The following KLC2 variants were observed in gnomAD, a reference collection of about 807,000 sequenced individuals.
KLC2 encodes KLC 2.
A neutral mutation model predicts 75.1 loss-of-function variants in KLC2; 35 were observed. That is an observed-to-expected ratio of 0.47 (90% confidence interval 0.36 to 0.62). The LOEUF (loss-of-function observed/expected upper bound fraction) is 0.62, where lower values mean the gene tolerates loss of function less well. Ranked by LOEUF, KLC2 falls within the 20% of genes least tolerant of loss-of-function variation. KLC2 has a pLI of 0.00. For missense variants in KLC2, 611 were observed against 833.2 expected, an observed-to-expected ratio of 0.73 and a Z score of 3.28; for synonymous variants, 314 against 336.7, an observed-to-expected ratio of 0.93 and a Z score of 0.74.
the KLC2 span, among the ~76,000 whole-genome samples, chr11:66,245,709 C>T: frequency 1.9e-4 from 28 of 149,724 alleles, no homozygotes; most frequent in African/African-American, 6.6e-4. Context: ...AGCGAGACTC[C>T]GTCTCAAAAA....
In KLC2 at chr11:66,265,083, G is replaced by A. The variant is rs775915946; in HGVS notation, c.1266+11G>A. On this transcript the variant is annotated intron_variant, in intron 10 of 15. Coordinates refer to ENST00000394067, the MANE Select transcript of KLC2 (RefSeq NM_001318734.2). ...CGGGAGGAAAGCAAGGTAGCTCTGTGGGGCAGGCTGGGCGGTTGTCAGGGG... is the reference window on the plus strand; with the variant it reads ...CGGGAGGAAAGCAAGGTAGCTCTGTAGGGCAGGCTGGGCGGTTGTCAGGGG... 5 of 1,610,184 alleles carry A rather than the reference G, an allele frequency of 3.1e-6. No homozygotes were observed. The African/African-American group carries it at 6.7e-5, about 22-fold the overall frequency.
chr11:66,265,726 A>G lies in KLC2; in HGVS notation c.1406A>G (p.His469Arg). 1 of 1,613,814 alleles carries G rather than the reference A, an allele frequency of 6.2e-7. No homozygotes were observed. The highest frequency in any genetic ancestry group is 8.5e-7 in the Non-Finnish European group (1 of 1,179,946). Reference sequence around the variant, plus strand: ...CGCCAGGGCAAGCTGGAAGCCGCGCACACACTAGAGGACTGTGCCAGCCGT... The same window carrying G: ...CGCCAGGGCAAGCTGGAAGCCGCGCGCACACTAGAGGACTGTGCCAGCCGT... The part of the protein sequence containing the change: ...YRRQGKLEAA[H>R]TLEDCASRNR... The change falls in exon 12 of 16, where the codon CAC becomes CGC. Residue 469 changes from histidine to arginine, a missense_variant. Coordinates refer to ENST00000394067, the MANE Select transcript of KLC2 (RefSeq NM_001318734.2).
chr11:66,263,022 G>A lies in KLC2; in HGVS notation c.738G>A (p.Leu246=). 6.2e-7 allele frequency: 1 copy of A among 1,613,692 alleles called. No individual in the cohort carries two copies. Among genetic ancestry groups the A allele is most frequent in the African/African-American group, 1.3e-5 (1 of 75,022 alleles). The part of the protein sequence containing the change: ...HPDVATMLNI[L]ALVYRDQNKY... ...ACGTTGCCACCATGCTGAACATCCT[G>A]GCACTGGTCTATCGGTGAGGACTCT... The change falls in exon 5 of 16, where the codon CTG becomes CTA. Residue 246 remains leucine (L), a synonymous_variant. Transcript: ENST00000394067.
chr11:66,260,385 A>G (rs1310699234), intron 2 of KLC2, among the ~76,000 whole-genome samples: 1 of 152,176 alleles, frequency 6.6e-6, no homozygotes, highest in Non-Finnish European at 1.5e-5. Context: ...CACGGAGGGC[A>G]TGGGCATCAA....
rs752647313 is a variant in KLC2 at position 66,263,050 on chromosome 11, G to A, written c.752+14G>A. The A allele has an allele frequency of 3.1e-6, 5 of 1,593,034 alleles. No homozygotes were observed. The highest frequency in any genetic ancestry group is 2.2e-5 in the East Asian group (1 of 44,540). ...ACTGGTCTATCGGTGAGGACTCTCTGGGGGTGCCCAAATTCTTCTGGAAGG... is the reference window on the plus strand; with the variant it reads ...ACTGGTCTATCGGTGAGGACTCTCTAGGGGTGCCCAAATTCTTCTGGAAGG... On this transcript the variant is annotated intron_variant, in intron 5 of 15. Transcript: ENST00000394067.
intron 11 of KLC2, 140 bp downstream of exon 11, chr11:66,265,375 C>G (rs1856750721): frequency 5.2e-6 from 4 of 766,682 alleles, no homozygotes; most frequent in East Asian, 2.7e-5. Context: ...CAAGAAGGCT[C>G]TGTCTCCCAA....
At chr11:66,266,796 G>A (rs1856862225) in intron 15 of KLC2, 77 bp from the exon 16 acceptor site, 1 of 1,486,646 alleles carries the variant, frequency 6.7e-7, no homozygotes, top group Non-Finnish European at 9.4e-7. Context: ...GCCTCTGCCA[G>A]GTCAGACCCC....
upstream of KLC2, among the ~76,000 whole-genome samples, chr11:66,253,738 T>C (rs1855981674): frequency 6.6e-6 from 1 of 152,136 alleles, no homozygotes; most frequent in South Asian, 2.1e-4. Context: ...GCCGAACACA[T>C]GCGAGGCTAA....
At chr11:66,266,357 A>AGCCCCACCCTTCTCCCT in intron 14 of KLC2, 76 bp from the exon 15 acceptor site, 1 of 1,016,994 alleles carries the variant, frequency 9.8e-7, no homozygotes, top group East Asian at 2.5e-5. Flanking sequence ...TTCCCTCCCC[A>AGCCCCACCCTTCTCCCT]GCCCCACCCT....
chr11:66,258,961 C>A, intron 2 of KLC2, 139 bp downstream of exon 2: 1 of 638,088 alleles, frequency 1.6e-6, no homozygotes, highest in East Asian at 2.8e-5. Flanking sequence ...CAGTAAATAC[C>A]TTTTGAAGAA....
intron 4 of KLC2, 47 bp downstream of exon 4, chr11:66,262,239 C>G (rs774177765): frequency 1.0e-5 from 15 of 1,506,928 alleles, no homozygotes; most frequent in Non-Finnish European, 1.0e-5. Flanking sequence ...GTTGTGTGAA[C>G]TCTTGGTCCT....
chr11:66,259,383 G>T (rs1211689942), intron 2 of KLC2, among the ~76,000 whole-genome samples: 2 of 152,232 alleles, frequency 1.3e-5, no homozygotes, highest in Non-Finnish European at 2.9e-5. Context: ...ACTGAAACCT[G>T]AGGGAAGAAA....
chr11:66,264,468 C>T (rs377678567), intron 9 of KLC2, 24 bp downstream of exon 9: 44 of 1,537,118 alleles, frequency 2.9e-5, no homozygotes, highest in Non-Finnish European at 3.9e-5. Context: ...CACCAGGTGC[C>T]TCTAGCCCAT....
chr11:66,261,442 A>C, intron 2 of KLC2: 1 of 337,462 alleles, frequency 3.0e-6, no homozygotes, highest in Non-Finnish European at 5.5e-6. Context: ...GGGAGAGACG[A>C]AGGAAGGGGC....
chr11:66,256,671 T>TA (rs952127292), upstream of KLC2, among the ~76,000 whole-genome samples: 5 of 152,018 alleles, frequency 3.3e-5, no homozygotes, highest in East Asian at 1.9e-4. Flanking sequence ...ACCTGTCACT[T>TA]AAAAAAAACC....
chr11:66,267,043 C>T lies in KLC2; in HGVS notation c.*87C>T. 1.3e-6 allele frequency: 2 copies of T among 1,584,758 alleles called. No homozygotes were observed. The highest frequency in any genetic ancestry group is 2.3e-5 in the South Asian group (2 of 88,708). On this transcript the variant is annotated 3_prime_UTR_variant, in exon 16 of 16. Transcript: ENST00000394067. ...GCGCATGGGCCTGCTGCTTGTCCCGCCTGTCTCTCCCACAGCCCCTGTCTT... is the reference window on the plus strand; with the variant it reads ...GCGCATGGGCCTGCTGCTTGTCCCGTCTGTCTCTCCCACAGCCCCTGTCTT...
At chr11:66,248,047 G>A in the KLC2 span, among the ~76,000 whole-genome samples, 1 of 152,170 alleles carries the variant, frequency 6.6e-6, no homozygotes. Flanking sequence ...CAGGAGTTAA[G>A]GCTGGACCAG....
chr11:66,267,662 G>T lies in KLC2; in HGVS notation c.*706G>T, dbSNP rs1230685034. On this transcript the variant is annotated 3_prime_UTR_variant, in exon 16 of 16. Transcript: ENST00000394067. ...CCTTATGCACTGCCCCTCCCACCCG[G>T]CCCCGCCCAGGCACGGCCGACCCCG... The T allele has an allele frequency of 1.9e-6, 1 of 521,912 alleles. No individual in the cohort carries two copies. The highest frequency in any genetic ancestry group is 2.0e-5 in the African/African-American group (1 of 50,316). 32.3% of individuals were successfully genotyped at this position (521,912 alleles called of 1,614,324 possible). A position where few individuals can be genotyped will look rare whatever the true frequency, so the allele number is the denominator to read the frequency against.
chr11:66,253,564 C>G (rs911194662), upstream of KLC2, among the ~76,000 whole-genome samples: 5 of 152,226 alleles, frequency 3.3e-5, no homozygotes, highest in Non-Finnish European at 7.3e-5. Context: ...GCATGGATTT[C>G]TTCCTTTATT....
Sources: gnomAD v4.1 joint callset for allele counts (sites outside exome capture counted in the v4.1 genomes callset) on GRCh38, gnomAD v4.1.1 for gene constraint, MANE v1.5 for transcripts, NCBI Gene and HGNC (gene_info 2026-07-23, HGNC 2026-07-21) for gene names.